The following S100A16 variants were observed in gnomAD, a reference collection of about 807,000 sequenced individuals.
The protein encoded by S100A16 is S100 calcium binding protein A16, also known as protein S100-A16.
A neutral mutation model predicts 9.0 loss-of-function variants in S100A16; 8 were observed. The ratio of observed to expected loss-of-function variants is 0.89; its 90% CI spans 0.52 to 1.60. The LOEUF is 1.60. Among genes scored for constraint, S100A16 ranks in the 40% most tolerant of loss-of-function variants. The probability of loss-of-function intolerance (pLI) is 0.00; values close to 1 mark genes in which losing one functional copy is unlikely to be tolerated. For missense variants in S100A16, 138 were observed against 132.4 expected, an observed-to-expected ratio of 1.04 and a Z score of -0.21; for synonymous variants, 51 against 51.4, an observed-to-expected ratio of 0.99 and a Z score of 0.04.
At chr1:153,609,486 A>C in intron 1 of S100A16, 1 of 419,922 alleles carries the variant, frequency 2.4e-6, no homozygotes, top group Non-Finnish European at 3.2e-6. Context: ...TGTCATCACC[A>C]CTCAGCTAGC....
At chr1:153,611,882 A>G (rs1666841378) in intron 1 of S100A16, among the ~76,000 whole-genome samples, 1 of 130,142 alleles carries the variant, frequency 7.7e-6, no homozygotes, top group Non-Finnish European at 1.7e-5. Flanking sequence ...TACCATCCTC[A>G]CAGGATTCTG....
chr1:153,611,503 C>A (rs1350605860), intron 1 of S100A16, among the ~76,000 whole-genome samples: 1 of 152,062 alleles, frequency 6.6e-6, no homozygotes, highest in Non-Finnish European at 1.5e-5. Flanking sequence ...TCCCTTCCAT[C>A]TACCTGGAAT....
chr1:153,609,595 A>G (rs1369519195), intron 1 of S100A16, among the ~76,000 whole-genome samples: 1 of 152,084 alleles, frequency 6.6e-6, no homozygotes. Context: ...TGGCCAATGT[A>G]TTTTCTGAAC....
chr1:153,607,705 C>T lies in S100A16; in HGVS notation c.154-13G>A, dbSNP rs935562066. 1 of 1,613,934 alleles carries T rather than the reference C, an allele frequency of 6.2e-7. No individual in the cohort carries two copies. The highest frequency in any genetic ancestry group is 1.3e-5 in the African/African-American group (1 of 74,920). ...GGTTCCCTGTGTCCTGGGGAGGAAG[C>T]AGGGTCAGCAATGCTGATGGTGGAA... is the stretch of plus-strand genomic sequence containing the variant. On this transcript the variant is annotated splice_polypyrimidine_tract_variant and intron_variant, in intron 2 of 2. Coordinates refer to ENST00000368706, the MANE Select transcript of S100A16 (RefSeq NM_080388.3).
chr1:153,608,459 G>C (rs1666753396), intron 1 of S100A16: 3 of 386,122 alleles, frequency 7.8e-6, no homozygotes, highest in Non-Finnish European at 1.4e-5. Flanking sequence ...TAGGGAGCAA[G>C]ATCCCTAGTG....
chr1:153,608,273 C>G, intron 1 of S100A16, 96 bp from the exon 2 acceptor site: 5 of 1,042,938 alleles, frequency 4.8e-6, no homozygotes, highest in Non-Finnish European at 6.9e-6. Flanking sequence ...CCTCCTCCTG[C>G]CTTGTTTCTG....
chr1:153,607,366 G>A lies in S100A16; in HGVS notation c.*168C>T, dbSNP rs1360316379. ...CCCCCCAGGGAGGGAGGTACCTCTA[G>A]ACTGAGACACTCACAAAGGGACCCC... is the stretch of plus-strand genomic sequence containing the variant. On this transcript the variant is annotated 3_prime_UTR_variant, in exon 3 of 3. Transcript: ENST00000368706. The A allele has an allele frequency of 2.3e-5, 18 of 793,612 alleles. No homozygotes were observed. The highest frequency in any genetic ancestry group is 3.6e-5 in the Non-Finnish European group (18 of 506,738). The allele number at this position is 793,612 out of a possible 1,614,324, so 49.2% of individuals were successfully genotyped here.
chr1:153,610,941 C>T lies in S100A16; in HGVS notation c.-27+2011G>A, dbSNP rs1319003163. ...TTCCTAGAAAGGTCAAGCAGGAGGTCGTTCCTGCATTGGCCCTGCCACAGG... is the reference window on the plus strand; with the variant it reads ...TTCCTAGAAAGGTCAAGCAGGAGGTTGTTCCTGCATTGGCCCTGCCACAGG... On this transcript the variant is annotated intron_variant, in intron 1 of 2. Coordinates refer to ENST00000368706, the MANE Select transcript of S100A16 (RefSeq NM_080388.3). Among the ~76,000 whole-genome samples the T allele has an allele frequency of 3.3e-5, 5 of 152,052 alleles. No individual in the cohort carries two copies. The East Asian group carries it at 5.8e-4, about 18-fold the overall frequency.
Position 153,608,040 on chromosome 1 carries a change from A to G in S100A16, c.112T>C (p.Phe38Leu). Residue 38 changes from phenylalanine (F) to leucine (L), a missense_variant, in exon 2 of 3, where the codon TTC becomes CTC. Physicochemically the swap from Phe to Leu is conservative, Grantham distance 22 (BLOSUM62 0). Coordinates refer to ENST00000368706, the MANE Select transcript of S100A16 (RefSeq NM_080388.3). Reference protein sequence around the residue: ...LVKNKISKSSFREMLQKELNH... With the variant: ...LVKNKISKSSLREMLQKELNH... ...AGCTCTTTCTGGAGCATCTCGCGGA[A>G]GCTGCTCTTGCTGATCTTGTTCTTG... 7 of 1,614,084 alleles carry G rather than the reference A, an allele frequency of 4.3e-6. No homozygotes were observed. Among genetic ancestry groups the G allele is most frequent in the Non-Finnish European group, 5.1e-6 (6 of 1,179,960 alleles).
rs375624785 is a variant in S100A16 at position 153,609,470 on chromosome 1, C to T, written c.-26-1293G>A. ...TGCCATCCTCCCTGACTCCCACAGACGTGTCTGTCATCACCACTCAGCTAG... is the reference window on the plus strand; with the variant it reads ...TGCCATCCTCCCTGACTCCCACAGATGTGTCTGTCATCACCACTCAGCTAG... On this transcript the variant is annotated intron_variant, in intron 1 of 2. Coordinates refer to ENST00000368706, the MANE Select transcript of S100A16 (RefSeq NM_080388.3). 29 of 571,776 alleles carry T rather than the reference C, an allele frequency of 5.1e-5. No individual in the cohort carries two copies. In the East Asian group the frequency reaches 1.9e-3, roughly 37 times the overall value. The allele number at this position is 571,776 out of a possible 1,614,324, so 35.4% of individuals were successfully genotyped here. A position where few individuals can be genotyped will look rare whatever the true frequency, so the allele number is the denominator to read the frequency against.
chr1:153,612,488 C>T (rs1289915915), intron 1 of S100A16, among the ~76,000 whole-genome samples: 1 of 152,070 alleles, frequency 6.6e-6, no homozygotes, highest in Non-Finnish European at 1.5e-5. Context: ...CTCCTCTTCT[C>T]GGAATCTCAG....
rs546135682 is a variant in S100A16 at position 153,607,415 on chromosome 1, G to T, written c.*119C>A. On this transcript the variant is annotated 3_prime_UTR_variant, in exon 3 of 3. Transcript: ENST00000368706. ...CCAGTTCAGCAAGGGTCAGAGGAAGGTCTGGAGGGAGAAGAGAGTAAAGGG... is the reference window on the plus strand; with the variant it reads ...CCAGTTCAGCAAGGGTCAGAGGAAGTTCTGGAGGGAGAAGAGAGTAAAGGG... 4.1e-4 allele frequency: 486 copies of T among 1,174,902 alleles called. 3 individuals are homozygous for T. In the African/African-American group the frequency reaches 6.8e-3, roughly 17 times the overall value. 72.8% of individuals were successfully genotyped at this position (1,174,902 alleles called of 1,614,324 possible).
intron 1 of S100A16, chr1:153,608,949 A>G: frequency 1.0e-6 from 1 of 985,954 alleles, no homozygotes; most frequent in Non-Finnish European, 1.2e-6. Flanking sequence ...CGGACTCTGG[A>G]CACAGCAGCA....
chr1:153,612,152 T>A (rs1666851027), intron 1 of S100A16, among the ~76,000 whole-genome samples: 2 of 150,784 alleles, frequency 1.3e-5, no homozygotes, highest in South Asian at 4.2e-4. Context: ...CTTACTAGAA[T>A]GTGGGGAAAG....
At chr1:153,609,099 A>G (rs1328151961) in intron 1 of S100A16, 1 of 985,470 alleles carries the variant, frequency 1.0e-6, no homozygotes, top group Admixed American at 6.2e-5. Flanking sequence ...CCATGCCCAA[A>G]ACCCCCCCAC....
intron 1 of S100A16, 118 bp downstream of exon 1, chr1:153,612,834 C>G (rs1004773510): frequency 1.3e-5 from 2 of 152,334 alleles, no homozygotes; most frequent in African/African-American, 4.8e-5. Flanking sequence ...ATCTTCCTGC[C>G]TGCTCTCTGG....
At chr1:153,609,171 C>G (rs980019204) in intron 1 of S100A16, 9 of 985,604 alleles carry the variant, frequency 9.1e-6, no homozygotes, top group Non-Finnish European at 9.6e-6. Flanking sequence ...GCTCCAGTCA[C>G]CCTCACCCGG....
chr1:153,608,605 G>A (rs1030989035), intron 1 of S100A16, among the ~76,000 whole-genome samples: 7 of 151,274 alleles, frequency 4.6e-5, no homozygotes, highest in Non-Finnish European at 2.9e-5. Flanking sequence ...GGAGGTTAGG[G>A]GCAGAGGCTA....
chr1:153,611,678 T>C (rs982018869), intron 1 of S100A16, among the ~76,000 whole-genome samples: 1 of 152,188 alleles, frequency 6.6e-6, no homozygotes, highest in East Asian at 1.9e-4. Context: ...CTAACTTCAA[T>C]ATATAGGGAA....
Sources: allele counts gnomAD v4.1 joint callset (sites outside exome capture counted in the v4.1 genomes callset), GRCh38; gene constraint gnomAD v4.1.1; transcripts MANE v1.5; gene names NCBI Gene and HGNC (gene_info 2026-07-23, HGNC 2026-07-21).